The following ECT2 variants were observed in gnomAD, a reference collection of about 807,000 sequenced individuals.
ECT2 encodes the protein epithelial cell transforming 2.
In ECT2, 61 loss-of-function variants were observed where a neutral mutation model predicts 116.9. The ratio of observed to expected loss-of-function variants is 0.52; its 90% confidence interval spans 0.42 to 0.65. The LOEUF (loss-of-function observed/expected upper bound fraction) is 0.65. Among genes scored for constraint, ECT2 ranks in the 30% least tolerant of loss-of-function variants. The pLI, the probability that ECT2 is intolerant of heterozygous loss-of-function variation, is 0.00. For synonymous variants in ECT2, 358 were observed against 346.4 expected (o/e 1.03, Z -0.37); for missense variants, 937 against 1,078.7 (o/e 0.87, Z 1.84).
chr3:172,816,625 G>T (rs1298257834), intron 23 of ECT2, 66 bp from the exon 24 acceptor site: 2 of 1,425,022 alleles, frequency 1.4e-6, no homozygotes, highest in East Asian at 2.4e-5. Context: ...GCTTTTTTAT[G>T]TTTAAATATT....
At chr3:172,761,778 A>G in intron 8 of ECT2, 95 bp downstream of exon 8, 1 of 786,656 alleles carries the variant, frequency 1.3e-6, no homozygotes, top group Non-Finnish European at 2.0e-6. Context: ...TCATAGATAT[A>G]AAAACTGAAT....
intron 16 of ECT2, among the ~76,000 whole-genome samples, 186 bp downstream of exon 16, chr3:172,784,095 G>A (rs1723189670): frequency 6.6e-6 from 1 of 151,904 alleles, no homozygotes; most frequent in South Asian, 2.1e-4. Flanking sequence ...TCAGTGTTAG[G>A]TGCCAGGAGG....
intron 20 of ECT2, among the ~76,000 whole-genome samples, chr3:172,805,367 T>G (rs1727496331): frequency 6.6e-6 from 1 of 152,214 alleles, no homozygotes; most frequent in African/African-American, 2.4e-5. Context: ...TTAATTGTTT[T>G]GCTTAGCCAA....
In ECT2 at chr3:172,784,678, T is replaced by C. The variant is rs180850024; in HGVS notation, c.1729-29T>C. 2.5e-5 allele frequency: 40 copies of C among 1,573,426 alleles called. No homozygotes were observed. The Admixed American group carries it at 6.5e-4, about 26-fold the overall frequency. On this transcript the variant is annotated intron_variant, in intron 16 of 24. Coordinates refer to ENST00000392692, the MANE Select transcript of ECT2 (RefSeq NM_001258315.2). The stretch of plus-strand genomic sequence containing the variant: ...CATATAATCTTTTCAGAAAACCTTT[T>C]TTGAAATTGTTGAATAAATTGTTTT...
chr3:172,764,517 A>G lies in ECT2; in HGVS notation c.1291+17A>G. On this transcript the variant is annotated intron_variant, in intron 12 of 24. Coordinates refer to ENST00000392692, the MANE Select transcript of ECT2 (RefSeq NM_001258315.2). Reference sequence around the variant, plus strand: ...ACTATGGAGGTAATTCACATTCTTAAAAACTTGTCTTTAAAGTTTAGTGGA... The same window carrying G: ...ACTATGGAGGTAATTCACATTCTTAGAAACTTGTCTTTAAAGTTTAGTGGA... 2 of 1,602,168 alleles carry G rather than the reference A, an allele frequency of 1.2e-6. No individual in the cohort carries two copies. Among genetic ancestry groups the G allele is most frequent in the South Asian group, 2.2e-5 (2 of 90,688 alleles).
At chr3:172,786,325 A>G (rs1285089483) in intron 17 of ECT2, among the ~76,000 whole-genome samples, 168 bp from the exon 18 acceptor site, 2 of 152,222 alleles carry the variant, frequency 1.3e-5, no homozygotes, top group Non-Finnish European at 2.9e-5. Flanking sequence ...AAACCTTAAC[A>G]GATGTGTAAT....
downstream of ECT2, chr3:172,821,566 GCTTA>G (rs1730685490): frequency 1.3e-5 from 2 of 151,758 alleles, no homozygotes; most frequent in Non-Finnish European, 1.5e-5. Flanking sequence ...GTACTTGCTT[GCTTA>G]CTTGTTTATT....
the ECT2 span, among the ~76,000 whole-genome samples, chr3:172,827,732 T>C: frequency 1.3e-5 from 2 of 152,196 alleles, no homozygotes; most frequent in African/African-American, 4.8e-5. Context: ...AGGTTGACTA[T>C]AGGTAACAAT....
At chr3:172,767,724 A>AT (rs1202819421) in intron 12 of ECT2, among the ~76,000 whole-genome samples, 6 of 148,448 alleles carry the variant, frequency 4.0e-5, no homozygotes, top group African/African-American at 7.6e-5. Context: ...ATGTGTATAG[A>AT]TTTTTTTTTT....
chr3:172,802,239 G>T (rs757044371), intron 18 of ECT2, among the ~76,000 whole-genome samples: 2 of 151,866 alleles, frequency 1.3e-5, no homozygotes, highest in African/African-American at 4.8e-5. Flanking sequence ...CTCAGCCGCC[G>T]AGTAGCTGGG....
the ECT2 span, chr3:172,829,027 A>G: frequency 1.1e-5 from 9 of 827,730 alleles, no homozygotes; most frequent in Non-Finnish European, 1.9e-5. Flanking sequence ...CTGTCTGGCC[A>G]CCTGGAGTGG....
intron 11 of ECT2, among the ~76,000 whole-genome samples, chr3:172,763,787 G>T (rs968371410): frequency 2.0e-5 from 3 of 152,172 alleles, no homozygotes; most frequent in Non-Finnish European, 4.4e-5. Flanking sequence ...AAGATGAGTT[G>T]TTTCTGTAAA....
chr3:172,769,086 A>G lies in ECT2; in HGVS notation c.1371A>G (p.Ala457=). The change falls in exon 13 of 25, where the codon GCA becomes GCG. Residue 457 remains alanine, a synonymous_variant. Transcript: ENST00000392692. ...PSKQSARWQV[A]KELYQTESNY... Reference sequence around the variant, plus strand: ...AGCAGTCAGCAAGGTGGCAAGTTGCAAAAGAGCTTTATCAAACTGAAAGTA... The same window carrying G: ...AGCAGTCAGCAAGGTGGCAAGTTGCGAAAGAGCTTTATCAAACTGAAAGTA... 6.2e-7 allele frequency: 1 copy of G among 1,613,516 alleles called. No individual in the cohort carries two copies. The highest frequency in any genetic ancestry group is 8.5e-7 in the Non-Finnish European group (1 of 1,179,594).
At chr3:172,778,888 C>A (rs1018521576) in intron 14 of ECT2, among the ~76,000 whole-genome samples, 4 of 152,142 alleles carry the variant, frequency 2.6e-5, no homozygotes, top group African/African-American at 4.8e-5. Flanking sequence ...AGCCACGGCA[C>A]CCGGCCTAAG....
chr3:172,817,689 T>C (rs1166982378), intron 24 of ECT2, among the ~76,000 whole-genome samples: 1 of 152,086 alleles, frequency 6.6e-6, no homozygotes, highest in African/African-American at 2.4e-5. Context: ...TATTTAATAC[T>C]ACTATTACTA....
At chr3:172,821,950 C>T (rs913816460), downstream of ECT2, among the ~76,000 whole-genome samples, 1 of 151,814 alleles carries the variant, frequency 6.6e-6, no homozygotes, top group African/African-American at 2.4e-5. Flanking sequence ...GGTTTTTAGA[C>T]TATCCTTGTT....
At position 172,756,343 on chromosome 3, in the gene ECT2, C is replaced by T. The variant is rs891006254; in HGVS notation, c.304-640C>T. The stretch of plus-strand genomic sequence containing the variant: ...ACGAGTTACAAGAGTTATATAGGTA[C>T]TTTAGTATCTTCATTATTTTTCGTG... On this transcript the variant is annotated intron_variant, in intron 4 of 24. Coordinates refer to ENST00000392692, the MANE Select transcript of ECT2 (RefSeq NM_001258315.2). Among the ~76,000 whole-genome samples the T allele has an allele frequency of 2.0e-5, 3 of 151,936 alleles. No individual in the cohort carries two copies. In the Middle Eastern group the frequency reaches 0.01, roughly 517 times the overall value.
downstream of ECT2, among the ~76,000 whole-genome samples, chr3:172,823,404 G>C (rs993019858): frequency 2.6e-5 from 4 of 152,130 alleles, no homozygotes; most frequent in African/African-American, 9.7e-5. Flanking sequence ...AAGTTCATTA[G>C]AATTACACTA....
chr3:172,780,069 T>C (rs572443959), intron 14 of ECT2, among the ~76,000 whole-genome samples: 1 of 152,118 alleles, frequency 6.6e-6, no homozygotes, highest in Non-Finnish European at 1.5e-5. Context: ...CAACCACTAA[T>C]GTACTTTCTG....
Sources: allele counts gnomAD v4.1 joint callset (sites outside exome capture counted in the v4.1 genomes callset), GRCh38; gene constraint gnomAD v4.1.1; transcripts MANE v1.5; gene names NCBI Gene and HGNC (gene_info 2026-07-23, HGNC 2026-07-21).